The following PCDHA4 variants were observed in gnomAD, a reference collection of about 807,000 sequenced individuals.
PCDHA4 encodes the protein protocadherin alpha 4, also known as protocadherin alpha-4.
In PCDHA4, 49 loss-of-function variants were observed where a neutral mutation model predicts 61.4. The ratio of observed to expected loss-of-function variants is 0.80; its 90% confidence interval spans 0.63 to 1.01. The LOEUF (loss-of-function observed/expected upper bound fraction) is 1.01. Among genes scored for constraint, PCDHA4 ranks in the 50% least tolerant of loss-of-function variants. The pLI is 0.00. For missense variants in PCDHA4, 1,254 were observed against 1,235.8 expected, an observed-to-expected ratio of 1.01 and a Z score of -0.22; for synonymous variants, 590 against 550.3, an observed-to-expected ratio of 1.07 and a Z score of -1.01.
At chr5:141,002,610 C>T (rs1191320958) in intron 3 of PCDHA4, among the ~76,000 whole-genome samples, 1 of 152,200 alleles carries the variant, frequency 6.6e-6, no homozygotes, top group Non-Finnish European at 1.5e-5. Context: ...ATAAAACAGA[C>T]ACATAACACA....
chr5:140,960,919 A>G (rs542740686), intron 1 of PCDHA4, among the ~76,000 whole-genome samples: 1 of 152,334 alleles, frequency 6.6e-6, no homozygotes, highest in Non-Finnish European at 1.5e-5. Flanking sequence ...CAGATAGAAA[A>G]TTGGTACTAA....
In PCDHA4 at chr5:140,842,901, A is replaced by G. The variant is rs150252824; in HGVS notation, c.2385+33329A>G. ...GCGCTGCAGCCGCTGGACCACGAGG[A>G]GCTAGAGCTGCTGCAGTTCCAGGTG... On this transcript the variant is annotated intron_variant, in intron 1 of 3. Transcript: ENST00000530339. 211 of 1,594,012 alleles carry G rather than the reference A, an allele frequency of 1.3e-4. 20 individuals carry two copies. Among genetic ancestry groups the G allele is most frequent in the Non-Finnish European group, 1.7e-4 (198 of 1,165,384 alleles).
chr5:141,005,664 T>G (rs1554260244), intron 3 of PCDHA4, among the ~76,000 whole-genome samples: 1 of 122,102 alleles, frequency 8.2e-6, no homozygotes. Flanking sequence ...ATCGCGCCAC[T>G]GCACTCCAGC....
At chr5:140,863,021 T>A (rs1228071790) in intron 1 of PCDHA4, 1 of 554,192 alleles carries the variant, frequency 1.8e-6, no homozygotes, top group Non-Finnish European at 3.5e-6. Flanking sequence ...CGCCTGGTTG[T>A]CGCAACAGCT....
intron 1 of PCDHA4, chr5:140,928,283 T>C (rs782493603): frequency 4.3e-6 from 7 of 1,614,178 alleles, no homozygotes; most frequent in Non-Finnish European, 5.1e-6. Flanking sequence ...GGGGCCTCTC[T>C]AGGCCGAGTG....
At chr5:140,916,933 A>G (rs1554197692) in intron 1 of PCDHA4, among the ~76,000 whole-genome samples, 3 of 152,162 alleles carry the variant, frequency 2.0e-5, no homozygotes, top group Non-Finnish European at 4.4e-5. Context: ...ACTTAAGCAT[A>G]TAGTGGTGAG....
At position 140,978,997 on chromosome 5, in the gene PCDHA4, G is replaced by C. The variant is rs782253140; in HGVS notation, c.2434G>C (p.Gly812Arg). The C allele has an allele frequency of 2.7e-5, 44 of 1,614,040 alleles. No individual in the cohort carries two copies. Among genetic ancestry groups the C allele is most frequent in the Non-Finnish European group, 3.6e-5 (43 of 1,180,028 alleles). ...GCGTTACTCTGCCTCCCTGAGAGCA[G>C]GCATGCACAGGTATGTATTTCCCTC... ...DWRYSASLRAGMHSSVHLEEA... is the reference protein window; with the variant it reads ...DWRYSASLRARMHSSVHLEEA... Residue 812 changes from glycine to arginine, a missense_variant, in exon 2 of 4, where the codon GGC becomes CGC. Transcript: ENST00000530339.
intron 1 of PCDHA4, chr5:140,930,410 CAG>C (rs2086812971): frequency 6.7e-6 from 1 of 149,986 alleles, no homozygotes; most frequent in South Asian, 2.1e-4. Flanking sequence ...TTTTTTGAGA[CAG>C]GGGTCTCACT....
intron 1 of PCDHA4, among the ~76,000 whole-genome samples, chr5:140,945,365 G>A (rs1458066318): frequency 6.6e-6 from 1 of 151,914 alleles, no homozygotes; most frequent in Non-Finnish European, 1.5e-5. Flanking sequence ...TGTTTAAAAT[G>A]TCCATATTAC....
chr5:140,827,069 G>A (rs187227575), intron 1 of PCDHA4, among the ~76,000 whole-genome samples: 1 of 152,278 alleles, frequency 6.6e-6, no homozygotes, highest in Non-Finnish European at 1.5e-5. Flanking sequence ...CTCATGCCTT[G>A]CTATTTAACA....
intron 1 of PCDHA4, 78 bp from the exon 2 acceptor site, chr5:140,978,871 T>G: frequency 6.2e-7 from 1 of 1,606,510 alleles, no homozygotes; most frequent in Non-Finnish European, 8.5e-7. Context: ...TTTAAGGGAG[T>G]AACTAATCAA....
intron 1 of PCDHA4, among the ~76,000 whole-genome samples, chr5:140,977,965 C>T (rs782117847): frequency 3.3e-5 from 5 of 152,150 alleles, no homozygotes; most frequent in Non-Finnish European, 5.9e-5. Context: ...CCTCAATCTC[C>T]GCCCATGAAA....
intron 3 of PCDHA4, among the ~76,000 whole-genome samples, chr5:140,986,776 C>T (rs916981139): frequency 2.6e-5 from 4 of 152,098 alleles, no homozygotes; most frequent in Non-Finnish European, 4.4e-5. Flanking sequence ...AATTAGGTAG[C>T]GGAAGCCACT....
At chr5:140,971,715 T>C (rs2096493906) in intron 1 of PCDHA4, among the ~76,000 whole-genome samples, 1 of 152,048 alleles carries the variant, frequency 6.6e-6, no homozygotes. Context: ...TATATAGATA[T>C]ATGTATATCA....
At chr5:140,963,989 T>C (rs2095803669) in intron 1 of PCDHA4, among the ~76,000 whole-genome samples, 1 of 152,202 alleles carries the variant, frequency 6.6e-6, no homozygotes, top group Non-Finnish European at 1.5e-5. Flanking sequence ...ATATTCCTAA[T>C]TACTGTGTTC....
intron 1 of PCDHA4, chr5:140,882,808 G>A (rs1554175666): frequency 6.2e-7 from 1 of 1,614,208 alleles, no homozygotes; most frequent in Non-Finnish European, 8.5e-7. Flanking sequence ...ATTTCACTTT[G>A]GACGCACAAA....
chr5:140,930,411 A>C (rs1554207797), intron 1 of PCDHA4: 2 of 149,218 alleles, frequency 1.3e-5, no homozygotes, highest in African/African-American at 2.5e-5. Context: ...TTTTTGAGAC[A>C]GGGGTCTCAC....
At chr5:140,952,158 G>A (rs2094696814) in intron 1 of PCDHA4, among the ~76,000 whole-genome samples, 1 of 151,946 alleles carries the variant, frequency 6.6e-6, no homozygotes, top group Non-Finnish European at 1.5e-5. Flanking sequence ...GTGGCTTTGT[G>A]GGGTTCAGTT....
At chr5:140,902,861 G>A (rs782302668) in intron 1 of PCDHA4, among the ~76,000 whole-genome samples, 21 of 152,088 alleles carry the variant, frequency 1.4e-4, no homozygotes, top group Admixed American at 5.2e-4. Context: ...TGGCGTCCAG[G>A]TCCACCCAAG....
Sources: allele counts gnomAD v4.1 joint callset (sites outside exome capture counted in the v4.1 genomes callset), GRCh38; gene constraint gnomAD v4.1.1; transcripts MANE v1.5; gene names NCBI Gene and HGNC (gene_info 2026-07-23, HGNC 2026-07-21).